Variants in KCNMA1 observed in about 807,000 individuals in gnomAD.
KCNMA1 encodes the protein potassium calcium-activated channel subfamily M alpha 1, also known as Calcium-activated potassium channel subunit alpha-1.
In KCNMA1, 29 loss-of-function variants were observed where a neutral mutation model predicts 140.0. The observed-to-expected ratio is 0.21, with a 90% CI of 0.15 to 0.28. The LOEUF (loss-of-function observed/expected upper bound fraction) is 0.28. Among genes scored for constraint, KCNMA1 ranks in the 10% least tolerant of loss-of-function variants. The pLI is 1.00. For missense variants in KCNMA1, 880 were observed against 1,602.2 expected (o/e 0.55, Z 7.70); for synonymous variants, 612 against 611.9 (o/e 1.00, Z 0.00).
intron 14 of KCNMA1, among the ~76,000 whole-genome samples, chr10:77,056,342 T>G (rs1330297467): frequency 6.6e-6 from 1 of 152,054 alleles, no homozygotes; most frequent in Non-Finnish European, 1.5e-5. Flanking sequence ...ATTGCACCAC[T>G]GCACTCCAGC....
intron 2 of KCNMA1, among the ~76,000 whole-genome samples, chr10:77,263,344 A>G (rs1199548386): frequency 3.3e-5 from 5 of 152,120 alleles, no homozygotes; most frequent in Non-Finnish European, 5.9e-5. Context: ...TAGAGACCTT[A>G]TTTTGTCTTT....
At chr10:77,256,004 A>G (rs1172454492) in intron 2 of KCNMA1, among the ~76,000 whole-genome samples, 1 of 151,908 alleles carries the variant, frequency 6.6e-6, no homozygotes, top group Non-Finnish European at 1.5e-5. Flanking sequence ...GTCCATAGCC[A>G]TCTCGCTAGA....
chr10:77,629,173 A>G (rs967501868), intron 1 of KCNMA1, among the ~76,000 whole-genome samples: 1 of 152,190 alleles, frequency 6.6e-6, no homozygotes, highest in Non-Finnish European at 1.5e-5. Flanking sequence ...TGCCAATTAC[A>G]TTTCCAAATT....
chr10:77,060,829 A>G (rs2095714758), intron 14 of KCNMA1, among the ~76,000 whole-genome samples: 1 of 152,168 alleles, frequency 6.6e-6, no homozygotes, highest in South Asian at 2.1e-4. Flanking sequence ...TGACAATGGA[A>G]GCACAATGTT....
chr10:77,439,506 A>G (rs938121165), intron 1 of KCNMA1, among the ~76,000 whole-genome samples: 10 of 152,154 alleles, frequency 6.6e-5, no homozygotes, highest in Admixed American at 6.5e-4. Flanking sequence ...ACATCATCAC[A>G]ACACACATCC....
chr10:77,338,727 G>A (rs186558344), intron 2 of KCNMA1, among the ~76,000 whole-genome samples: 1 of 152,316 alleles, frequency 6.6e-6, no homozygotes, highest in Admixed American at 6.5e-5. Context: ...TCAAAGGAGG[G>A]AGGAACCCCT....
intron 1 of KCNMA1, among the ~76,000 whole-genome samples, chr10:77,531,040 C>A (rs1357014014): frequency 6.6e-6 from 1 of 152,188 alleles, no homozygotes; most frequent in Non-Finnish European, 1.5e-5. Context: ...TCTCCACCAG[C>A]AAACCTCTTA....
At chr10:77,541,317 C>A (rs2060137431) in intron 1 of KCNMA1, among the ~76,000 whole-genome samples, 1 of 151,852 alleles carries the variant, frequency 6.6e-6, no homozygotes, top group African/African-American at 2.4e-5. Flanking sequence ...AAAAGATTGA[C>A]AATAAAAAGA....
At chr10:77,622,043 T>A (rs977952029) in intron 1 of KCNMA1, among the ~76,000 whole-genome samples, 3 of 152,158 alleles carry the variant, frequency 2.0e-5, no homozygotes, top group African/African-American at 7.2e-5. Context: ...CTGATGTGAA[T>A]CTCATAGCAG....
At chr10:77,250,341 C>T (rs1228990385) in intron 3 of KCNMA1, 1 of 152,276 alleles carries the variant, frequency 6.6e-6, no homozygotes, top group Non-Finnish European at 1.5e-5. Context: ...GTTCACGCCA[C>T]AACAGAAAAT....
intron 3 of KCNMA1, among the ~76,000 whole-genome samples, chr10:77,221,513 T>C (rs534811756): frequency 2.3e-4 from 35 of 152,214 alleles, no homozygotes; most frequent in South Asian, 8.3e-4. Flanking sequence ...AATTGTACCT[T>C]TTAAAATTAA....
At chr10:77,624,495 T>C (rs1476318) in intron 1 of KCNMA1, among the ~76,000 whole-genome samples, 31,990 of 152,100 alleles carry the variant, frequency 0.21, 3,610 homozygotes, top group African/African-American at 0.24. Context: ...AAAGTCAATA[T>C]TGAAGTTCTG....
intron 2 of KCNMA1, among the ~76,000 whole-genome samples, chr10:77,373,099 G>A (rs534379323): frequency 5.9e-5 from 9 of 152,258 alleles, no homozygotes; most frequent in Admixed American, 2.6e-4. Flanking sequence ...ATTGACTCCC[G>A]TGTAGGACAT....
At chr10:77,235,774 C>T (rs1335625658) in intron 3 of KCNMA1, among the ~76,000 whole-genome samples, 1 of 152,176 alleles carries the variant, frequency 6.6e-6, no homozygotes, top group Non-Finnish European at 1.5e-5. Context: ...CCACTTCCAG[C>T]CTTCCTCAAG....
chr10:76,914,268 G>A (rs2051712954), intron 24 of KCNMA1: 1 of 686,880 alleles, frequency 1.5e-6, no homozygotes, highest in Non-Finnish European at 2.5e-6. Flanking sequence ...GTTTGCATTT[G>A]TCTTGGGGGA....
In KCNMA1 at chr10:77,383,731, G is replaced by T. The variant is rs531397777; in HGVS notation, c.540+20131C>A. ...GCATTGTTGCTTTTTTAGAGACAGG[G>T]TCTCTCTGGAGTGCACTGGCATGAT... is the stretch of plus-strand genomic sequence containing the variant. On this transcript the variant is annotated intron_variant, in intron 2 of 27. Transcript: ENST00000286628. 2.0e-5 allele frequency among the ~76,000 whole-genome samples: 3 copies of T among 152,060 alleles called. No individual in the cohort carries two copies. The East Asian group carries it at 5.8e-4, about 29-fold the overall frequency.
At position 76,941,053 on chromosome 10, in the gene KCNMA1, G is replaced by GAAAGAAAGAAAGAAAGAA. The variant is rs55655308; in HGVS notation, c.2902+3719_2902+3720insTTCTTTCTTTCTTTCTTT. On this transcript the variant is annotated intron_variant, in intron 23 of 27. Coordinates refer to ENST00000286628, the MANE Select transcript of KCNMA1 (RefSeq NM_001161352.2). ...AGAAAGAAAGAAAGAAAGAAAGAAA[G>GAAAGAAAGAAAGAAAGAA]AGAAAGAAAGAAAGAAAAAGAAAGA... Among the ~76,000 whole-genome samples, 55 of 55,170 alleles carry GAAAGAAAGAAAGAAAGAA rather than the reference G, an allele frequency of 1.0e-3. 2 individuals are homozygous for GAAAGAAAGAAAGAAAGAA. The highest frequency in any genetic ancestry group is 1.4e-3 in the Non-Finnish European group (41 of 30,216). 36.2% of individuals were successfully genotyped at this position (55,170 alleles called of 152,430 possible). A position where few individuals can be genotyped will look rare whatever the true frequency, so the allele number is the denominator to read the frequency against.
chr10:77,367,357 G>C (rs553048518), intron 2 of KCNMA1, among the ~76,000 whole-genome samples: 5 of 152,210 alleles, frequency 3.3e-5, no homozygotes, highest in Admixed American at 6.5e-5. Flanking sequence ...AAGAACTATG[G>C]ATCCGTTAAA....
intron 1 of KCNMA1, among the ~76,000 whole-genome samples, chr10:77,444,693 TG>T (rs1373921992): frequency 9.2e-5 from 14 of 152,084 alleles, no homozygotes; most frequent in African/African-American, 3.1e-4. Context: ...CTCTGGAGAT[TG>T]TCCTGGGAAC....
Sources: gnomAD v4.1 joint callset for allele counts (sites outside exome capture counted in the v4.1 genomes callset) on GRCh38, gnomAD v4.1.1 for gene constraint, MANE v1.5 for transcripts, NCBI Gene and HGNC (gene_info 2026-07-23, HGNC 2026-07-21) for gene names.